Variants in RNF228 observed in about 807,000 individuals in gnomAD.
The protein encoded by RNF228 is ring finger protein 228.
chr2:222,319,202 GAT>G, the RNF228 span: 1 of 320,038 alleles, frequency 3.1e-6, no homozygotes, highest in Admixed American at 5.0e-5. The surrounding 1 kb of genome is among the most constrained non-coding windows in gnomAD (Gnocchi z 7.6). Flanking sequence ...CCGACAGGCA[GAT>G]GGGCCCCACG....
At chr2:222,319,760 C>CGCGGCG in the RNF228 span, among the ~76,000 whole-genome samples, 3 of 141,440 alleles carry the variant, frequency 2.1e-5, no homozygotes, top group Non-Finnish European at 3.1e-5. This position sits in a 1 kb window ranked among gnomAD's most constrained non-coding sequence, Gnocchi z 7.6. Context: ...GGCGCTCAGG[C>CGCGGCG]GCGGCGGCAG....
At chr2:222,318,779 C>CA in the RNF228 span, 8 of 150,788 alleles carry the variant, frequency 5.3e-5, no homozygotes, top group East Asian at 5.9e-4. Context: ...AGACCCCCCC[C>CA]CCCCACCAAC....
At chr2:222,318,423 G>C in the RNF228 span, 1 of 152,260 alleles carries the variant, frequency 6.6e-6, no homozygotes, top group African/African-American at 2.4e-5. Context: ...CCGGCGGGGA[G>C]TGTCCGTCAC....
the RNF228 span, among the ~76,000 whole-genome samples, chr2:222,316,055 G>GA: frequency 9.3e-5 from 14 of 150,534 alleles, no homozygotes; most frequent in South Asian, 4.2e-4. Flanking sequence ...CATGGGAAGG[G>GA]AAAAAAAAAT....
chr2:222,319,835 G>A, the RNF228 span, among the ~76,000 whole-genome samples: 14 of 151,310 alleles, frequency 9.3e-5, no homozygotes, highest in Non-Finnish European at 1.8e-4. This position sits in a 1 kb window ranked among gnomAD's most constrained non-coding sequence, Gnocchi z 7.6. Context: ...AGGTGTGCAA[G>A]CACGCCAGCA....
chr2:222,318,771 A>ACT, the RNF228 span: 1 of 102,348 alleles, frequency 9.8e-6, no homozygotes, highest in Non-Finnish European at 2.0e-5. Flanking sequence ...GGCAAAAGAG[A>ACT]CCCCCCCCCC....
the RNF228 span, chr2:222,317,422 C>T: frequency 6.6e-6 from 1 of 152,164 alleles, no homozygotes; most frequent in South Asian, 2.1e-4. Flanking sequence ...GGATATCATG[C>T]AGACAGCTTG....
At chr2:222,315,078 A>ATT in the RNF228 span, among the ~76,000 whole-genome samples, 5,978 of 148,478 alleles carry the variant, frequency 0.04, 176 homozygotes, top group African/African-American at 0.093. Context: ...TGCCATAAGT[A>ATT]TTTTTTTTTT....
chr2:222,319,628 C>T, the RNF228 span, among the ~76,000 whole-genome samples: 1 of 146,372 alleles, frequency 6.8e-6, no homozygotes, highest in African/African-American at 2.4e-5. This position sits in a 1 kb window ranked among gnomAD's most constrained non-coding sequence, Gnocchi z 7.6. Flanking sequence ...GCGGGAAGGC[C>T]TCGGCTAGCT....
the RNF228 span, chr2:222,319,277 TC>T: frequency 5.9e-6 from 2 of 338,856 alleles, no homozygotes; most frequent in Non-Finnish European, 1.1e-5. This position sits in a 1 kb window ranked among gnomAD's most constrained non-coding sequence, Gnocchi z 7.6. Flanking sequence ...CTCCGGGGGT[TC>T]CCCCGCCGCC....
chr2:222,314,693 A>G, the RNF228 span, among the ~76,000 whole-genome samples: 1 of 152,264 alleles, frequency 6.6e-6, no homozygotes, highest in Non-Finnish European at 1.5e-5. Flanking sequence ...TATTAAGATC[A>G]TAATAACTGG....
At chr2:222,315,095 T>G in the RNF228 span, among the ~76,000 whole-genome samples, 1 of 150,412 alleles carries the variant, frequency 6.6e-6, no homozygotes, top group African/African-American at 2.5e-5. Flanking sequence ...TTTTTTTGCC[T>G]TTCAAAAATT....
the RNF228 span, chr2:222,319,139 C>T: frequency 3.8e-6 from 1 of 261,318 alleles, no homozygotes; most frequent in Non-Finnish European, 7.3e-6. This position sits in a 1 kb window ranked among gnomAD's most constrained non-coding sequence, Gnocchi z 7.6. Flanking sequence ...GATACTTGAG[C>T]CAGCAGATGA....
the RNF228 span, chr2:222,318,771 A>ACCCCCCCCCCCCC: frequency 9.8e-6 from 1 of 102,348 alleles, no homozygotes; most frequent in Non-Finnish European, 2.0e-5. Flanking sequence ...GGCAAAAGAG[A>ACCCCCCCCCCCCC]CCCCCCCCCC....
the RNF228 span, among the ~76,000 whole-genome samples, chr2:222,319,734 GGCGGCGGGC>G: frequency 6.9e-6 from 1 of 145,862 alleles, no homozygotes; most frequent in Non-Finnish European, 1.5e-5. The surrounding 1 kb of genome is among the most constrained non-coding windows in gnomAD (Gnocchi z 7.6). Context: ...GCAGAGCCAG[GGCGGCGGGC>G]GCGGCGGGCG....
chr2:222,317,584 G>A, the RNF228 span: 10 of 151,900 alleles, frequency 6.6e-5, no homozygotes, highest in Non-Finnish European at 1.5e-4. Flanking sequence ...AAAAAAAAAG[G>A]CATCTAACCC....
At chr2:222,319,201 A>T in the RNF228 span, 1 of 318,038 alleles carries the variant, frequency 3.1e-6, no homozygotes, top group Non-Finnish European at 5.8e-6. The surrounding 1 kb of genome is among the most constrained non-coding windows in gnomAD (Gnocchi z 7.6). Context: ...ACCGACAGGC[A>T]GATGGGCCCC....
the RNF228 span, among the ~76,000 whole-genome samples, chr2:222,315,591 C>A: frequency 2.0e-5 from 3 of 152,010 alleles, no homozygotes; most frequent in Admixed American, 2.0e-4. Flanking sequence ...ATCTTCACAC[C>A]AACTCCATGA....
At chr2:222,315,779 T>G in the RNF228 span, among the ~76,000 whole-genome samples, 2 of 152,242 alleles carry the variant, frequency 1.3e-5, no homozygotes. Flanking sequence ...ATGTGCCTGT[T>G]GTTCACTAAA....
Sources: gnomAD v4.1 joint callset for allele counts (sites outside exome capture counted in the v4.1 genomes callset) on GRCh38, gnomAD v4.1.1 for gene constraint, Gnocchi (gnomAD v3.1) non-coding constraint, MANE v1.5 for transcripts, NCBI Gene and HGNC (gene_info 2026-07-23, HGNC 2026-07-21) for gene names.